Variants in CDT1 observed in about 807,000 individuals in gnomAD.
CDT1 encodes the protein chromatin licensing and DNA replication factor 1, also known as DNA replication factor Cdt1.
A neutral mutation model predicts 49.3 loss-of-function variants in CDT1; 66 were observed. The observed-to-expected ratio is 1.34, with a 90% CI of 1.10 to 1.64. The LOEUF (loss-of-function observed/expected upper bound fraction) is 1.64, where lower values mean the gene tolerates loss of function less well. Among genes scored for constraint, CDT1 ranks in the 40% most tolerant of loss-of-function variants. The probability of loss-of-function intolerance (pLI) is 0.00; values close to 1 mark genes in which losing one functional copy is unlikely to be tolerated. For synonymous variants in CDT1, 424 were observed against 347.4 expected (o/e 1.22, Z -2.45); for missense variants, 958 against 807.7 (o/e 1.19, Z -2.26).
chr16:88,806,211 A>T, intron 6 of CDT1, 90 bp downstream of exon 6: 1 of 1,236,518 alleles, frequency 8.1e-7, no homozygotes, highest in Non-Finnish European at 1.1e-6. Flanking sequence ...CCTGCCACTC[A>T]CAGCTTCTCC....
rs1908886240 is a variant in CDT1, at chr16:88,807,111, C to G, written c.1183C>G (p.Pro395Ala). 6.2e-7 allele frequency: 1 copy of G among 1,612,808 alleles called. No homozygotes were observed. Among genetic ancestry groups the G allele is most frequent in the Non-Finnish European group, 8.5e-7 (1 of 1,179,972 alleles). The change falls in exon 8 of 10, where the codon CCC becomes GCC. Residue 395 changes from proline (P) to alanine (A), a missense_variant. Transcript: ENST00000301019. ...TGCTGCGCCCAGCAGCCCCGGGTCT[C>G]CCAGGCCAGCACTGCCGGCTACCCC... ...RSAAPSSPGS[P>A]RPALPATPPA...
In CDT1 at chr16:88,804,819, G is replaced by C. The variant is rs534520741; in HGVS notation, c.409G>C (p.Val137Leu). ...ACGGGCCCGGGAGCTGGGGGCAAGA[G>C]TCCGGGCGCTGAAGGCCAGTGCCCA... ...LQRARELGAR[V>L]RALKASAQDA... Residue 137 changes from valine to leucine, a missense_variant, in exon 3 of 10, where the codon GTC (valine) becomes CTC (leucine). By Grantham distance (32) the Val-to-Leu change is conservative (BLOSUM62 1). Coordinates refer to ENST00000301019, the MANE Select transcript of CDT1 (RefSeq NM_030928.4). 1.1e-5 allele frequency: 18 copies of C among 1,612,594 alleles called. No homozygotes were observed. The Admixed American group carries it at 2.2e-4, about 19-fold the overall frequency.
rs3218730 is a variant in CDT1, at chr16:88,807,382, C to A, written c.1377C>A (p.Arg459=). 10 of 1,612,582 alleles carry A rather than the reference C, an allele frequency of 6.2e-6. No homozygotes were observed. The highest frequency in any genetic ancestry group is 3.3e-4 in the Middle Eastern group (2 of 6,064). Residue 459 remains arginine (R), a synonymous_variant, in exon 9 of 10, where the codon CGC becomes CGA. Coordinates refer to ENST00000301019, the MANE Select transcript of CDT1 (RefSeq NM_030928.4). ...TAGAACGGCTGCCTGAGCTGGCCCG[C>A]GTGCTGCGGAGCGTCTTTGTGTCCG... ...QRLERLPELA[R]VLRSVFVSER... is the part of the protein sequence containing the mutation.
chr16:88,806,022 G>T lies in CDT1; in HGVS notation c.834G>T (p.Glu278Asp), dbSNP rs1230349716. ...QLTIEPLLEQ[E>D]ADGAAPQLTA... is the part of the protein sequence containing the mutation. ...CTTAGGCCTGGACTCGTCCCACAGA[G>T]GCTGACGGAGCAGCCCCCCAGCTCA... The change falls in exon 6 of 10, where the codon GAG becomes GAT. Residue 278 changes from glutamate to aspartate, a missense_variant and splice_region_variant. Physicochemically the swap from Glu to Asp is conservative, Grantham distance 45. Transcript: ENST00000301019. 1.3e-6 allele frequency: 2 copies of T among 1,590,118 alleles called. No individual in the cohort carries two copies. The highest frequency in any genetic ancestry group is 2.7e-5 in the African/African-American group (2 of 74,614).
intron 8 of CDT1, 31 bp downstream of exon 8, chr16:88,807,234 G>A (rs767616184): frequency 6.8e-6 from 11 of 1,610,786 alleles, no homozygotes; most frequent in Admixed American, 3.3e-5. Context: ...GCGGGTGGGC[G>A]CCTGGTGACC....
Position 88,808,657 on chromosome 16 carries a change from A to G in CDT1, c.*379A>G. 1 of 257,840 alleles carries G rather than the reference A, an allele frequency of 3.9e-6. No individual in the cohort carries two copies. Among genetic ancestry groups the G allele is most frequent in the African/African-American group, 2.2e-5 (1 of 44,724 alleles). The allele number at this position is 257,840 out of a possible 1,614,324, so 16.0% of individuals were successfully genotyped here. A position where few individuals can be genotyped will look rare whatever the true frequency, so the allele number is the denominator to read the frequency against. On this transcript the variant is annotated 3_prime_UTR_variant, in exon 10 of 10. Coordinates refer to ENST00000301019, the MANE Select transcript of CDT1 (RefSeq NM_030928.4). Reference sequence around the variant, plus strand: ...GCAGGCCATCCCCTCTAATCTTGGAACCTCTGAATATGGGACCTCCCACAG... The same window carrying G: ...GCAGGCCATCCCCTCTAATCTTGGAGCCTCTGAATATGGGACCTCCCACAG...
chr16:88,806,341 C>A (rs1202355373), intron 6 of CDT1, 145 bp from the exon 7 acceptor site: 1 of 1,118,182 alleles, frequency 8.9e-7, no homozygotes, highest in Non-Finnish European at 1.3e-6. Context: ...AGGCCTTGTG[C>A]TCTCCCTCCA....
Position 88,803,914 on chromosome 16 carries a change from G to T in CDT1, c.83G>T (p.Arg28Leu). 7.2e-7 allele frequency: 1 copy of T among 1,385,780 alleles called. No individual in the cohort carries two copies. Among genetic ancestry groups the T allele is most frequent in the Non-Finnish European group, 9.4e-7 (1 of 1,065,432 alleles). The allele number at this position is 1,385,780 out of a possible 1,614,324, so 85.8% of individuals were successfully genotyped here. Residue 28 changes from arginine to leucine, a missense_variant, in exon 1 of 10, where the codon CGC becomes CTC. Transcript: ENST00000301019. ...PRIAPPKLACRTPSPARPALR... is the reference protein window; with the variant it reads ...PRIAPPKLACLTPSPARPALR... ...ATCGCGCCGCCCAAGCTGGCCTGCC[G>T]CACCCCCAGCCCCGCCAGGCCCGCA...
In CDT1 at chr16:88,808,525, G is replaced by A. The variant is rs1597507396; in HGVS notation, c.*247G>A. The stretch of plus-strand genomic sequence containing the variant: ...TTCTGTGGGCACCTCTGTCCTTGCT[G>A]CTGGTGGGGAAGGGAAGCCAGATCC... On this transcript the variant is annotated 3_prime_UTR_variant, in exon 10 of 10. Coordinates refer to ENST00000301019, the MANE Select transcript of CDT1 (RefSeq NM_030928.4). 3 of 557,860 alleles carry A rather than the reference G, an allele frequency of 5.4e-6. No individual in the cohort carries two copies. In the East Asian group the frequency reaches 9.1e-5, roughly 17 times the overall value. The allele number at this position is 557,860 out of a possible 1,614,324, so 34.6% of individuals were successfully genotyped here. A position where few individuals can be genotyped will look rare whatever the true frequency, so the allele number is the denominator to read the frequency against.
In CDT1 at chr16:88,804,810, G is replaced by A. The variant is rs1300814915; in HGVS notation, c.400G>A (p.Gly134Arg). 12 of 1,612,706 alleles carry A rather than the reference G, an allele frequency of 7.4e-6. No homozygotes were observed. The highest frequency in any genetic ancestry group is 1.0e-5 in the Non-Finnish European group (12 of 1,179,860). The change falls in exon 3 of 10, where the codon GGG becomes AGG. Residue 134 changes from glycine (G) to arginine (R), a missense_variant. Transcript: ENST00000301019. ...ASCLQRARELGARVRALKASA... is the reference protein window; with the variant it reads ...ASCLQRARELRARVRALKASA... ...ATGCCTGCAACGGGCCCGGGAGCTG[G>A]GGGCAAGAGTCCGGGCGCTGAAGGC...
In CDT1 at chr16:88,807,365, C is replaced by T. The variant is rs1195452648; in HGVS notation, c.1360C>T (p.Leu454=). The change falls in exon 9 of 10, where the codon CTG becomes TTG. Residue 454 remains leucine, a synonymous_variant. Transcript: ENST00000301019. ...QEQRLQRLER[L]PELARVLRSV... ...GCAGCGGCTGCAGCGCTTAGAACGG[C>T]TGCCTGAGCTGGCCCGCGTGCTGCG... 2 of 1,612,660 alleles carry T rather than the reference C, an allele frequency of 1.2e-6. No homozygotes were observed. The highest frequency in any genetic ancestry group is 2.2e-5 in the East Asian group (1 of 44,882).
At chr16:88,804,203 G>A in intron 1 of CDT1, 144 bp downstream of exon 1, 1 of 705,742 alleles carries the variant, frequency 1.4e-6, no homozygotes, top group South Asian at 2.6e-5. Context: ...TCTGGGACAG[G>A]CCGGGGGATC....
At position 88,805,751 on chromosome 16, in the gene CDT1, G is replaced by A. The variant is rs1450759104; in HGVS notation, c.714G>A (p.Gln238=). The change falls in exon 5 of 10, where the codon CAG becomes CAA. Residue 238 remains glutamine, a synonymous_variant. Coordinates refer to ENST00000301019, the MANE Select transcript of CDT1 (RefSeq NM_030928.4). ...RRRFEECNVG[Q]IKTVYPASYR... ...GTTTTGAGGAGTGCAATGTTGGCCA[G>A]ATCAAAACCGTGTACCCGGCCTCCT... The A allele has an allele frequency of 1.9e-6, 3 of 1,613,110 alleles. No homozygotes were observed. The highest frequency in any genetic ancestry group is 2.2e-5 in the East Asian group (1 of 44,878).
Position 88,808,760 on chromosome 16 carries a change from G to T in CDT1, c.*482G>T, listed in dbSNP as rs183484043. 1.2e-3 allele frequency: 205 copies of T among 168,336 alleles called. No homozygotes were observed. The highest frequency in any genetic ancestry group is 1.7e-3 in the Non-Finnish European group (130 of 77,094). 10.4% of individuals were successfully genotyped at this position (168,336 alleles called of 1,614,324 possible). On this transcript the variant is annotated 3_prime_UTR_variant, in exon 10 of 10. Transcript: ENST00000301019. ...GCCTGTAACCCCAGCACTTTGGGAG[G>T]CCAAGGTGGGCAGATCACGAGGTCA...
Position 88,805,589 on chromosome 16 carries a change from C to A in CDT1, c.638C>A (p.Thr213Lys), listed in dbSNP as rs146872515. The A allele has an allele frequency of 1.9e-5, 30 of 1,612,852 alleles. No homozygotes were observed. Among genetic ancestry groups the A allele is most frequent in the Middle Eastern group, 1.6e-4 (1 of 6,062 alleles). ...GGCATGCTCCACAACCGCTCCGAGA[C>A]GCCCACCTTTGCCAAGGTCCAGCGG... ...IVGMLHNRSE[T>K]PTFAKVQRGV... Residue 213 changes from threonine (T) to lysine (K), a missense_variant, in exon 4 of 10, where the codon ACG (threonine) becomes AAG (lysine). Transcript: ENST00000301019.
At chr16:88,806,926 C>T in intron 7 of CDT1, 125 bp from the exon 8 acceptor site, 1 of 1,352,498 alleles carries the variant, frequency 7.4e-7, no homozygotes, top group Non-Finnish European at 1.0e-6. Flanking sequence ...ACTGCATTGA[C>T]CGGCACAGAC....
Position 88,806,531 on chromosome 16 carries a change from C to T in CDT1, c.979C>T (p.Gln327Ter). Residue 327 changes from glutamine to a stop codon, truncating the protein, a stop_gained, in exon 7 of 10, where the codon CAG becomes TAG. Transcript: ENST00000301019. LOFTEE classifies it high-confidence loss of function. ...LSPAMVVPED[Q>*]LTRWHPRFNV... ...CCCCGCCATGGTGGTGCCGGAGGACCAGCTGACCCGCTGGCACCCGCGCTT... is the reference window on the plus strand; with the variant it reads ...CCCCGCCATGGTGGTGCCGGAGGACTAGCTGACCCGCTGGCACCCGCGCTT... 6.2e-7 allele frequency: 1 copy of T among 1,610,726 alleles called. No homozygotes were observed. The highest frequency in any genetic ancestry group is 1.1e-5 in the South Asian group (1 of 90,642).
chr16:88,806,275 T>C (rs1908852816), intron 6 of CDT1, 154 bp downstream of exon 6: 7 of 982,362 alleles, frequency 7.1e-6, no homozygotes, highest in Non-Finnish European at 1.1e-5. Context: ...GTGCTCAGGG[T>C]GCAGCCGCAG....
rs776512358 is a variant in CDT1 at position 88,807,311 on chromosome 16, G to A, written c.1306G>A (p.Ala436Thr). Residue 436 changes from alanine to threonine, a missense_variant, in exon 9 of 10, where the codon GCA (alanine) becomes ACA (threonine). Transcript: ENST00000301019. ...AGCCAAGGAGGCACAGAAGCAGCTG[G>A]CACAGATGACGCGGTGCCCGGAGCA... The part of the protein sequence containing the change: ...IRAKEAQKQL[A>T]QMTRCPEQEQ... 6.2e-7 allele frequency: 1 copy of A among 1,612,424 alleles called. No individual in the cohort carries two copies. The highest frequency in any genetic ancestry group is 1.7e-5 in the Admixed American group (1 of 60,018).
Sources: allele counts gnomAD v4.1 joint callset, GRCh38; gene constraint gnomAD v4.1.1; transcripts MANE v1.5; gene names NCBI Gene and HGNC (gene_info 2026-07-23, HGNC 2026-07-21).